Variants in L3MBTL4 observed in about 807,000 individuals in gnomAD.
The protein encoded by L3MBTL4 is lethal(3)malignant brain tumor-like protein 4.
L3MBTL4 carries 70 observed loss-of-function variants against 84.5 expected under a neutral mutation model. The ratio of observed to expected loss-of-function variants is 0.83; its 90% CI spans 0.68 to 1.01. The LOEUF (loss-of-function observed/expected upper bound fraction) is 1.01, where lower values mean the gene tolerates loss of function less well. Ranked by LOEUF, L3MBTL4 falls within the 50% of genes least tolerant of loss-of-function variation. The probability of loss-of-function intolerance (pLI) is 0.00; values close to 1 mark genes in which losing one functional copy is unlikely to be tolerated. For synonymous variants in L3MBTL4, 274 were observed against 259.8 expected (o/e 1.05, Z -0.52); for missense variants, 715 against 754.8 (o/e 0.95, Z 0.62).
In L3MBTL4 at chr18:6,031,482, A is replaced by G. The variant is rs557621195; in HGVS notation, c.1444+49399T>C. 13 of 985,430 alleles carry G rather than the reference A, an allele frequency of 1.3e-5. No homozygotes were observed. The African/African-American group carries it at 2.1e-4, about 16-fold the overall frequency. 61.0% of individuals were successfully genotyped at this position (985,430 alleles called of 1,614,324 possible). Reference sequence around the variant, plus strand: ...CTTGAGAAATTCAGGGACCATCAGCATCTCATTTTTTTAAGTATTTACTTA... The same window carrying G: ...CTTGAGAAATTCAGGGACCATCAGCGTCTCATTTTTTTAAGTATTTACTTA... On this transcript the variant is annotated intron_variant, in intron 16 of 18. Transcript: ENST00000317931.
At chr18:6,157,930 G>A (rs1212663724) in intron 13 of L3MBTL4, among the ~76,000 whole-genome samples, 3 of 152,252 alleles carry the variant, frequency 2.0e-5, no homozygotes, top group East Asian at 3.9e-4. Context: ...TCCTATTTAG[G>A]AAAGTTTCCT....
At chr18:6,290,775 G>A (rs371258300) in intron 4 of L3MBTL4, among the ~76,000 whole-genome samples, 38 of 152,050 alleles carry the variant, frequency 2.5e-4, no homozygotes, top group African/African-American at 8.4e-4. Flanking sequence ...TGATCCACCC[G>A]TCTCGGCCTC....
At chr18:6,301,404 T>G (rs2050332770) in intron 4 of L3MBTL4, among the ~76,000 whole-genome samples, 2 of 152,212 alleles carry the variant, frequency 1.3e-5, no homozygotes, top group Non-Finnish European at 2.9e-5. Flanking sequence ...TGGTTTAAAT[T>G]TAAAGCATCA....
chr18:6,349,850 G>C (rs1184128840), intron 1 of L3MBTL4, among the ~76,000 whole-genome samples: 1 of 152,148 alleles, frequency 6.6e-6, no homozygotes, highest in Non-Finnish European at 1.5e-5. Flanking sequence ...GAGCAAGAAG[G>C]GAGAAGGCTT....
intron 16 of L3MBTL4, among the ~76,000 whole-genome samples, chr18:5,986,144 C>A (rs526750): frequency 0.21 from 32,378 of 152,128 alleles, 6,098 homozygotes; most frequent in African/African-American, 0.5. Context: ...AAAGAGATGC[C>A]TGCCTTTGAC....
At chr18:6,265,754 TAA>T (rs142981984) in intron 4 of L3MBTL4, among the ~76,000 whole-genome samples, 1 of 151,624 alleles carries the variant, frequency 6.6e-6, no homozygotes, top group Admixed American at 6.6e-5. Context: ...AGACATGCAA[TAA>T]AAAAAAGTCA....
intron 14 of L3MBTL4, among the ~76,000 whole-genome samples, chr18:6,108,918 A>T (rs2059101300): frequency 1.3e-5 from 2 of 152,236 alleles, no homozygotes; most frequent in East Asian, 3.9e-4. Flanking sequence ...GAATATGTAT[A>T]TGTTATAGGC....
intron 14 of L3MBTL4, among the ~76,000 whole-genome samples, chr18:6,100,789 G>C (rs1435219698): frequency 6.6e-6 from 1 of 152,198 alleles, no homozygotes; most frequent in East Asian, 1.9e-4. Context: ...CAGTGGCCCT[G>C]TTAATGTTGG....
At chr18:6,370,320 T>C (rs1380482216) in intron 1 of L3MBTL4, among the ~76,000 whole-genome samples, 8 of 152,164 alleles carry the variant, frequency 5.3e-5, no homozygotes, top group African/African-American at 1.9e-4. Flanking sequence ...AGATTGGCTA[T>C]AATGTCCTCA....
intron 16 of L3MBTL4, among the ~76,000 whole-genome samples, chr18:6,004,527 A>G (rs948633336): frequency 6.6e-6 from 1 of 152,232 alleles, no homozygotes; most frequent in African/African-American, 2.4e-5. Flanking sequence ...ATAGAAAGGC[A>G]TTCAAATAGA....
intron 16 of L3MBTL4, among the ~76,000 whole-genome samples, chr18:6,060,447 T>C (rs574786548): frequency 6.6e-6 from 1 of 151,880 alleles, no homozygotes; most frequent in Non-Finnish European, 1.5e-5. Context: ...GTTTTAGGTT[T>C]ATAAAAAAAA....
intron 13 of L3MBTL4, among the ~76,000 whole-genome samples, chr18:6,164,431 G>T (rs960297867): frequency 6.6e-6 from 1 of 152,200 alleles, no homozygotes; most frequent in Non-Finnish European, 1.5e-5. Context: ...GGCACCCCCC[G>T]CTAGGGGCAG....
chr18:6,055,242 C>G (rs1217855785), intron 16 of L3MBTL4, among the ~76,000 whole-genome samples: 1 of 152,162 alleles, frequency 6.6e-6, no homozygotes, highest in Non-Finnish European at 1.5e-5. Flanking sequence ...AATGAAGCCC[C>G]CCAAAGAAAA....
chr18:5,980,430 CT>C (rs10664833), intron 16 of L3MBTL4, among the ~76,000 whole-genome samples: 19,869 of 122,696 alleles, frequency 0.16, 1,434 homozygotes, highest in South Asian at 0.24. Flanking sequence ...TTAGTTTGCG[CT>C]TTTTTTTTTT....
chr18:6,196,016 TC>T (rs1462626551), intron 12 of L3MBTL4, among the ~76,000 whole-genome samples: 17 of 151,812 alleles, frequency 1.1e-4, no homozygotes, highest in African/African-American at 4.1e-4. Flanking sequence ...CACACTCTCC[TC>T]CTATTCCACA....
intron 13 of L3MBTL4, among the ~76,000 whole-genome samples, chr18:6,156,745 G>A (rs2043121298): frequency 6.6e-6 from 1 of 152,182 alleles, no homozygotes; most frequent in South Asian, 2.1e-4. Context: ...TTTTAGAAGG[G>A]ACGGGCTATT....
At chr18:6,310,868 T>G (rs1004958881) in intron 3 of L3MBTL4, among the ~76,000 whole-genome samples, 1 of 152,204 alleles carries the variant, frequency 6.6e-6, no homozygotes, top group Non-Finnish European at 1.5e-5. Context: ...ATATGATTAA[T>G]ATTCAAATCA....
rs75734703 is a variant in L3MBTL4 at position 6,062,775 on chromosome 18, C to T, written c.1444+18106G>A. ...GTCATGTTGACTCTGTTAACGAGCCCGTCAAAGGCATTCTTCATTTCTGTT... is the reference window on the plus strand; with the variant it reads ...GTCATGTTGACTCTGTTAACGAGCCTGTCAAAGGCATTCTTCATTTCTGTT... On this transcript the variant is annotated intron_variant, in intron 16 of 18. Coordinates refer to ENST00000317931, the MANE Select transcript of L3MBTL4 (RefSeq NM_001330559.2). 4.9e-3 allele frequency among the ~76,000 whole-genome samples: 747 copies of T among 151,936 alleles called. 5 individuals are homozygous for T. Among genetic ancestry groups the T allele is most frequent in the African/African-American group, 0.017 (715 of 41,510 alleles).
Position 5,989,984 on chromosome 18 carries a change from C to A in L3MBTL4, c.1445-20422G>T, listed in dbSNP as rs116367052. Among the ~76,000 whole-genome samples the A allele has an allele frequency of 4.6e-3, 706 of 152,268 alleles. 6 individuals carry two copies. The highest frequency in any genetic ancestry group is 0.016 in the African/African-American group (684 of 41,562). On this transcript the variant is annotated intron_variant, in intron 16 of 18. Transcript: ENST00000317931. ...CTCTGGTTGGGGGCAAAGATACAAC[C>A]AGGTGACAGGTGGCGTGAGATGAGC...
Sources: allele counts gnomAD v4.1 joint callset (sites outside exome capture counted in the v4.1 genomes callset), GRCh38; gene constraint gnomAD v4.1.1; transcripts MANE v1.5; gene names NCBI Gene and HGNC (gene_info 2026-07-23, HGNC 2026-07-21).